The following WRN variants were observed in gnomAD, a reference collection of about 807,000 sequenced individuals.
WRN encodes the protein WRN RecQ like helicase.
WRN carries 149 observed loss-of-function variants against 180.7 expected under a neutral mutation model. The ratio of observed to expected loss-of-function variants is 0.82; its 90% CI spans 0.72 to 0.94. The LOEUF (loss-of-function observed/expected upper bound fraction) is 0.94, where lower values mean the gene tolerates loss of function less well. Ranked by LOEUF, WRN falls within the 40% of genes least tolerant of loss-of-function variation. WRN has a pLI of 0.00. For synonymous variants in WRN, 548 were observed against 568.9 expected (o/e 0.96, Z 0.52); for missense variants, 1,661 against 1,700.1 (o/e 0.98, Z 0.40).
At chr8:31,075,276 A>G (rs754905167) in intron 7 of WRN, among the ~76,000 whole-genome samples, 1 of 152,190 alleles carries the variant, frequency 6.6e-6, no homozygotes, top group Non-Finnish European at 1.5e-5. Flanking sequence ...CTTTTGAAGG[A>G]CAAGAGAAAT....
rs886062885 is a variant in WRN at position 31,033,898 on chromosome 8, G to A, written c.-152G>A. 1.3e-5 allele frequency: 2 copies of A among 152,506 alleles called. No homozygotes were observed. The highest frequency in any genetic ancestry group is 2.4e-5 in the African/African-American group (1 of 41,454). 9.4% of individuals were successfully genotyped at this position (152,506 alleles called of 1,614,324 possible). A position where few individuals can be genotyped will look rare whatever the true frequency, so the allele number is the denominator to read the frequency against. ...ATTTGGTGTCTAGCCTGGATGCCTGGGTTGCAGGCCCTGCTTGTGGTGGCG... is the reference window on the plus strand; with the variant it reads ...ATTTGGTGTCTAGCCTGGATGCCTGAGTTGCAGGCCCTGCTTGTGGTGGCG... On this transcript the variant is annotated 5_prime_UTR_variant, in exon 1 of 35. Coordinates refer to ENST00000298139, the MANE Select transcript of WRN (RefSeq NM_000553.6).
intron 1 of WRN, among the ~76,000 whole-genome samples, chr8:31,044,170 C>A (rs1334223834): frequency 6.0e-5 from 9 of 149,540 alleles, no homozygotes; most frequent in Non-Finnish European, 1.3e-4. Context: ...GCCTCCCCAG[C>A]AGCTGGGACT....
At chr8:31,104,014 G>A (rs1207303130) in intron 18 of WRN, among the ~76,000 whole-genome samples, 9 of 152,224 alleles carry the variant, frequency 5.9e-5, no homozygotes, top group Non-Finnish European at 1.3e-4. Flanking sequence ...GATTACAGGC[G>A]TGAGCCACTG....
At position 31,052,394 on chromosome 8, in the gene WRN, C is replaced by G. The variant is rs376020601; in HGVS notation, c.-76-5978C>G. ...CGTATTTATTTTATACAATTAGAGT[C>G]TAATTTTTTTTTTGAGACAGTCTTG... is the stretch of plus-strand genomic sequence containing the variant. On this transcript the variant is annotated intron_variant, in intron 1 of 34. Transcript: ENST00000298139. 5.9e-5 allele frequency among the ~76,000 whole-genome samples: 9 copies of G among 152,072 alleles called. No individual in the cohort carries two copies. The South Asian group carries it at 1.0e-3, about 18-fold the overall frequency.
chr8:31,092,328 A>G (rs1207869041), intron 16 of WRN, among the ~76,000 whole-genome samples: 2 of 151,984 alleles, frequency 1.3e-5, no homozygotes, highest in Non-Finnish European at 1.5e-5. Flanking sequence ...CCAAAATCAC[A>G]CAATGACTGG....
chr8:31,096,719 T>C (rs1211085726), intron 16 of WRN, 49 bp from the exon 17 acceptor site: 5 of 1,406,812 alleles, frequency 3.6e-6, no homozygotes, highest in Non-Finnish European at 4.9e-6. Flanking sequence ...TTAATATGTT[T>C]CCCTTCCTGT....
chr8:31,150,236 T>G (rs2130453318), intron 30 of WRN, 105 bp from the exon 31 acceptor site: 9 of 896,596 alleles, frequency 1.0e-5, no homozygotes, highest in Non-Finnish European at 1.7e-5. Context: ...ATACATTTAT[T>G]GAGAGAATCA....
At position 31,167,148 on chromosome 8, in the gene WRN, A is replaced by G; in HGVS notation, c.4109A>G (p.Asn1370Ser). 6.2e-7 allele frequency: 1 copy of G among 1,613,384 alleles called. No individual in the cohort carries two copies. The highest frequency in any genetic ancestry group is 8.5e-7 in the Non-Finnish European group (1 of 1,179,514). The change falls in exon 34 of 35, where the codon AAC becomes AGC. Residue 1370 changes from asparagine (N) to serine (S), a missense_variant. Physicochemically the swap from Asn to Ser is conservative, Grantham distance 46 (BLOSUM62 1). This residue lies in a region of WRN where 1,141 missense variants were observed against 1,149.4 expected (regional missense o/e 0.99). Transcript: ENST00000298139. ...DSGLQPSCDV[N>S]KRRCFPGSEE... ...GGACTTCAACCTTCATGTGATGTCA[A>G]CAAAAGGAGATGTTTTCCCGGTTCT... is the stretch of plus-strand genomic sequence containing the variant.
Position 31,058,364 on chromosome 8 carries a change from C to T in WRN, c.-76-8C>T, listed in dbSNP as rs2130000091. ...GTTTTCATTCATATTGACAGTACTA[C>T]CTCTCAGTTTTCTTTCAGATATTGT... On this transcript the variant is annotated splice_region_variant and splice_polypyrimidine_tract_variant and intron_variant, in intron 1 of 34. Coordinates refer to ENST00000298139, the MANE Select transcript of WRN (RefSeq NM_000553.6). 1 of 1,142,142 alleles carries T rather than the reference C, an allele frequency of 8.8e-7. No individual in the cohort carries two copies. The highest frequency in any genetic ancestry group is 2.5e-5 in the East Asian group (1 of 39,844). 70.8% of individuals were successfully genotyped at this position (1,142,142 alleles called of 1,614,324 possible). A position where few individuals can be genotyped will look rare whatever the true frequency, so the allele number is the denominator to read the frequency against.
chr8:31,151,869 G>C (rs1417363394), intron 31 of WRN, among the ~76,000 whole-genome samples: 1 of 151,414 alleles, frequency 6.6e-6, no homozygotes, highest in African/African-American at 2.4e-5. Flanking sequence ...TATTAAGCAA[G>C]TTTTGTTATT....
Position 31,143,576 on chromosome 8 carries a change from T to A in WRN, c.3336T>A (p.Tyr1112Ter). 6.3e-7 allele frequency: 1 copy of A among 1,593,872 alleles called. No individual in the cohort carries two copies. The highest frequency in any genetic ancestry group is 8.6e-7 in the Non-Finnish European group (1 of 1,163,038). The change falls in exon 28 of 35, where the codon TAT becomes TAA. Residue 1112 changes from tyrosine (Y) to a stop codon, truncating the protein, a stop_gained. Coordinates refer to ENST00000298139, the MANE Select transcript of WRN (RefSeq NM_000553.6). LOFTEE classifies it high-confidence loss of function. ...CTAACTTGGAGAAGTTATATTCTTATAAACCATGTGATAAGATTTCTTCTG... is the reference window on the plus strand; with the variant it reads ...CTAACTTGGAGAAGTTATATTCTTAAAAACCATGTGATAAGATTTCTTCTG... ...KKSNLEKLYS[Y>*]KPCDKISSGS...
intron 24 of WRN, among the ~76,000 whole-genome samples, chr8:31,140,136 T>C (rs1249591166): frequency 6.8e-6 from 1 of 148,052 alleles, no homozygotes. Flanking sequence ...CTGCCTCAGC[T>C]CCTGCTTCAG....
chr8:31,138,171 G>A (rs1439148831), intron 24 of WRN, among the ~76,000 whole-genome samples: 1 of 152,024 alleles, frequency 6.6e-6, no homozygotes, highest in Non-Finnish European at 1.5e-5. Flanking sequence ...CGGCTACACA[G>A]TGACACATTA....
intron 31 of WRN, 69 bp downstream of exon 31, chr8:31,150,524 T>C: frequency 1.5e-6 from 2 of 1,323,384 alleles, no homozygotes; most frequent in Non-Finnish European, 2.2e-6. Context: ...AAAAGTACCC[T>C]CCAGAAGCAA....
intron 18 of WRN, among the ~76,000 whole-genome samples, chr8:31,103,936 G>A (rs760980860): frequency 5.9e-5 from 9 of 151,876 alleles, no homozygotes; most frequent in African/African-American, 2.2e-4. Context: ...GCGTTTCACC[G>A]TGTTAGCCAG....
In WRN at chr8:31,174,823, C is replaced by CCTTCCTTCCTTCCTTT. The variant is rs1563397666; in HGVS notation, c.*1722_*1723insTTCCTTCCTTCCTTTC. On this transcript the variant is annotated 3_prime_UTR_variant, in exon 35 of 35. Coordinates refer to ENST00000298139, the MANE Select transcript of WRN (RefSeq NM_000553.6). The stretch of plus-strand genomic sequence containing the variant: ...TTCCTTCCTTCCTTCCTTCCTTCCT[C>CCTTCCTTCCTTCCTTT]CCTCCCTCCCTCCCTCCCTCCCTCC... Among the ~76,000 whole-genome samples, 1 of 55,084 alleles carries CCTTCCTTCCTTCCTTT rather than the reference C, an allele frequency of 1.8e-5. No homozygotes were observed. Among genetic ancestry groups the CCTTCCTTCCTTCCTTT allele is most frequent in the Non-Finnish European group, 3.4e-5 (1 of 29,412 alleles). 36.1% of individuals were successfully genotyped at this position (55,084 alleles called of 152,430 possible). A position where few individuals can be genotyped will look rare whatever the true frequency, so the allele number is the denominator to read the frequency against.
chr8:31,096,541 T>C (rs1215583284), intron 16 of WRN, among the ~76,000 whole-genome samples: 1 of 152,192 alleles, frequency 6.6e-6, no homozygotes, highest in East Asian at 1.9e-4. Flanking sequence ...TTTCTTTTTA[T>C]CTGTAGTCTT....
intron 1 of WRN, among the ~76,000 whole-genome samples, chr8:31,056,734 T>C (rs1474048319): frequency 1.3e-5 from 2 of 152,024 alleles, no homozygotes; most frequent in Non-Finnish European, 1.5e-5. Context: ...GACTCCTGTA[T>C]TATTAATTAT....
intron 7 of WRN, among the ~76,000 whole-genome samples, chr8:31,075,059 G>A (rs1030463447): frequency 5.3e-5 from 8 of 152,096 alleles, no homozygotes; most frequent in Non-Finnish European, 8.8e-5. Context: ...AAAGATTGTC[G>A]GAAATGCAGG....
Sources: allele counts gnomAD v4.1 joint callset (sites outside exome capture counted in the v4.1 genomes callset), GRCh38; gene constraint gnomAD v4.1.1; regional missense constraint gnomAD v4.1.1; transcripts MANE v1.5; gene names NCBI Gene and HGNC (gene_info 2026-07-23, HGNC 2026-07-21).